Variants in ZNF208 observed in about 807,000 individuals in gnomAD.
ZNF208 encodes the protein zinc finger protein 208, also known as zinc finger protein 95.
In ZNF208, 10 loss-of-function variants were observed where a neutral mutation model predicts 12.1. The observed-to-expected ratio is 0.83, with a 90% CI of 0.51 to 1.40. ZNF208 has a LOEUF of 1.40. Among genes scored for constraint, ZNF208 ranks in the 40% most tolerant of loss-of-function variants. ZNF208 has a pLI of 0.00. For missense variants in ZNF208, 1,652 were observed against 1,485.0 expected, an observed-to-expected ratio of 1.11 and a Z score of -1.85; for synonymous variants, 497 against 488.4, an observed-to-expected ratio of 1.02 and a Z score of -0.23.
intron 3 of ZNF208, among the ~76,000 whole-genome samples, chr19:21,976,399 T>C (rs562537725): frequency 9.9e-5 from 15 of 152,108 alleles, no homozygotes; most frequent in African/African-American, 3.4e-4. Context: ...AGCATATCCA[T>C]ACAAAAATCA....
At chr19:21,976,798 T>C (rs1163302954) in intron 3 of ZNF208, among the ~76,000 whole-genome samples, 2 of 152,180 alleles carry the variant, frequency 1.3e-5, no homozygotes, top group Non-Finnish European at 2.9e-5. Context: ...TGACCTCAGG[T>C]GATCTACCTG....
chr19:21,954,976 T>TA (rs1381229363), intron 4 of ZNF208, among the ~76,000 whole-genome samples: 1 of 152,224 alleles, frequency 6.6e-6, no homozygotes, highest in Non-Finnish European at 1.5e-5. Flanking sequence ...GTACCAGCTG[T>TA]TCCTTTTTAT....
rs554605313 is a variant in ZNF208 at position 21,987,141 on chromosome 19, G to A, written c.226+75C>T. ...TACTTCTTTTGGAACACAGCTTCCA[G>A]AATCACTTTAAGGACTGGCTTCCTC... On this transcript the variant is annotated intron_variant, in intron 3 of 3. Transcript: ENST00000397126. 4.2e-3 allele frequency: 5,998 copies of A among 1,430,384 alleles called. 210 individuals carry two copies. In the African/African-American group the frequency reaches 0.078, roughly 19 times the overall value. The allele number at this position is 1,430,384 out of a possible 1,614,324, so 88.6% of individuals were successfully genotyped here.
chr19:21,953,990 C>CTA (rs1969931527), intron 4 of ZNF208, among the ~76,000 whole-genome samples: 1 of 152,192 alleles, frequency 6.6e-6, no homozygotes, highest in Non-Finnish European at 1.5e-5. Flanking sequence ...AAATTTCCCT[C>CTA]TACACACTGC....
intron 3 of ZNF208, among the ~76,000 whole-genome samples, chr19:21,985,510 T>C (rs1362524856): frequency 6.6e-6 from 1 of 152,224 alleles, no homozygotes. Flanking sequence ...GCAGGCAAGC[T>C]TTCATTCAAG....
chr19:21,972,370 G>C lies in ZNF208; in HGVS notation c.2664C>G (p.Pro888=), dbSNP rs1226235737. The change falls in exon 4 of 4, where the codon CCC becomes CCG. Residue 888 remains proline, a synonymous_variant. Transcript: ENST00000397126. ...CTTTGCCACATTCTTCACATTTGTAGGGTTTCTCTCCAGTATGAATTTTCT... is the reference window on the plus strand; with the variant it reads ...CTTTGCCACATTCTTCACATTTGTACGGTTTCTCTCCAGTATGAATTTTCT... ...YHKKIHTGEK[P]YKCEECGKGF... 5.6e-6 allele frequency: 9 copies of C among 1,612,336 alleles called. No homozygotes were observed. The highest frequency in any genetic ancestry group is 7.6e-6 in the Non-Finnish European group (9 of 1,179,238).
intron 4 of ZNF208, among the ~76,000 whole-genome samples, chr19:21,945,659 A>G (rs1196863282): frequency 6.6e-6 from 1 of 152,224 alleles, no homozygotes; most frequent in African/African-American, 2.4e-5. Flanking sequence ...ATTTTATTTA[A>G]TAATTTGAAT....
At chr19:22,006,011 A>T (rs181154682) in intron 1 of ZNF208, among the ~76,000 whole-genome samples, 107 of 152,140 alleles carry the variant, frequency 7.0e-4, no homozygotes, top group African/African-American at 2.4e-3. Context: ...AAATCAGCTG[A>T]ATTTGCCTTC....
chr19:21,959,837 A>G, intron 4 of ZNF208, among the ~76,000 whole-genome samples: 1 of 152,194 alleles, frequency 6.6e-6, no homozygotes, highest in Non-Finnish European at 1.5e-5. Context: ...GGTAACTTGA[A>G]GTATTTGAGA....
At chr19:21,956,509 T>C (rs1207329581) in intron 4 of ZNF208, among the ~76,000 whole-genome samples, 1 of 152,214 alleles carries the variant, frequency 6.6e-6, no homozygotes, top group Non-Finnish European at 1.5e-5. Flanking sequence ...CCCAGTCATT[T>C]TGGTTACCTA....
intron 4 of ZNF208, among the ~76,000 whole-genome samples, chr19:21,949,425 T>A (rs1021389153): frequency 6.6e-6 from 1 of 152,156 alleles, no homozygotes; most frequent in Non-Finnish European, 1.5e-5. Context: ...AGAATTAAAC[T>A]CATTTTCTTC....
At chr19:21,987,356 C>T in intron 2 of ZNF208, 45 bp from the exon 3 acceptor site, 15 of 1,556,494 alleles carry the variant, frequency 9.6e-6, no homozygotes, top group Non-Finnish European at 1.3e-5. Context: ...TCATATTCTC[C>T]AATTACCAAC....
intron 3 of ZNF208, among the ~76,000 whole-genome samples, chr19:21,981,151 T>C (rs1246317302): frequency 6.6e-6 from 1 of 152,102 alleles, no homozygotes; most frequent in Non-Finnish European, 1.5e-5. Flanking sequence ...CTGATTCTAT[T>C]ATTTCTGAAA....
intron 4 of ZNF208, among the ~76,000 whole-genome samples, chr19:21,942,469 A>G (rs757582243): frequency 1.3e-5 from 2 of 152,174 alleles, no homozygotes; most frequent in Non-Finnish European, 2.9e-5. Flanking sequence ...TGGGTAAACA[A>G]ATCTCTTCTT....
rs1970188943 is a variant in ZNF208, at chr19:21,967,260, T to A, written c.*3931A>T. The A allele has an allele frequency of 6.6e-6, 1 of 151,160 alleles. No homozygotes were observed. The highest frequency in any genetic ancestry group is 2.4e-5 in the African/African-American group (1 of 41,232). The allele number at this position is 151,160 out of a possible 1,614,324, so 9.4% of individuals were successfully genotyped here. A position where few individuals can be genotyped will look rare whatever the true frequency, so the allele number is the denominator to read the frequency against. ...AAAGGTAGTACAGTTTTCTTCCACA[T>A]ATGACTAACCAGTTTTCCCAGTATT... On this transcript the variant is annotated 3_prime_UTR_variant, in exon 4 of 4. Coordinates refer to ENST00000397126, the MANE Select transcript of ZNF208 (RefSeq NM_007153.3).
At chr19:22,008,028 G>T (rs1599636150) in intron 1 of ZNF208, among the ~76,000 whole-genome samples, 1 of 141,622 alleles carries the variant, frequency 7.1e-6, no homozygotes, top group African/African-American at 2.8e-5. Flanking sequence ...AAAAGGGCCG[G>T]GCGCGGTGGC....
chr19:21,995,515 C>G (rs936412695), intron 1 of ZNF208, among the ~76,000 whole-genome samples: 2 of 152,194 alleles, frequency 1.3e-5, no homozygotes, highest in African/African-American at 4.8e-5. Flanking sequence ...CTCAGAGATT[C>G]ATAGGTAATT....
Position 21,971,627 on chromosome 19 carries a change from G to A in ZNF208, c.3407C>T (p.Thr1136Ile). The change falls in exon 4 of 4, where the codon ACT becomes ATT. Residue 1136 changes from threonine (T) to isoleucine (I), a missense_variant. By Grantham distance (89) the Thr-to-Ile change is moderately conservative. Transcript: ENST00000397126. ...TTCACATTTGTAGGGTTTCTCTCCA[G>A]TATGAATTACCTTATGTTTAGTAAG... is the stretch of plus-strand genomic sequence containing the variant. Reference protein sequence around the residue: ...SILTKHKVIHTGEKPYKCEEC... With the variant: ...SILTKHKVIHIGEKPYKCEEC... The A allele has an allele frequency of 6.2e-7, 1 of 1,612,846 alleles. No homozygotes were observed. Among genetic ancestry groups the A allele is most frequent in the Non-Finnish European group, 8.5e-7 (1 of 1,179,912 alleles).
rs1307151442 is a variant in ZNF208 at position 21,995,300 on chromosome 19, AT to A, written c.4-6392del. 2.6e-5 allele frequency among the ~76,000 whole-genome samples: 4 copies of A among 152,094 alleles called. No homozygotes were observed. The East Asian group carries it at 5.8e-4, about 22-fold the overall frequency. On this transcript the variant is annotated intron_variant, in intron 1 of 3. Transcript: ENST00000397126. ...TATATGAAATGGAAGCAATTAGTTT[AT>A]CTGTTTGAGCCTCCAGACCTCCTGA... is the stretch of plus-strand genomic sequence containing the variant.
Sources: allele counts gnomAD v4.1 joint callset (sites outside exome capture counted in the v4.1 genomes callset), GRCh38; gene constraint gnomAD v4.1.1; transcripts MANE v1.5; gene names NCBI Gene and HGNC (gene_info 2026-07-23, HGNC 2026-07-21).